SNAPC3: variants seen among roughly 807,000 people sequenced by gnomAD.
SNAPC3 encodes the protein small nuclear RNA activating complex polypeptide 3, also known as snRNA-activating protein complex subunit 3.
In SNAPC3, 56 loss-of-function variants were observed where a neutral mutation model predicts 47.7. The observed-to-expected ratio is 1.18, with a 90% CI of 0.95 to 1.47. SNAPC3 has a LOEUF of 1.47. SNAPC3 is among the 40% of genes most tolerant of loss of function. The pLI is 0.00. For missense variants in SNAPC3, 665 were observed against 511.3 expected, an observed-to-expected ratio of 1.30 and a Z score of -2.90; for synonymous variants, 235 against 189.9, an observed-to-expected ratio of 1.24 and a Z score of -1.95.
chr9:15,442,829 G>A (rs2033596972), intron 3 of SNAPC3, among the ~76,000 whole-genome samples: 1 of 152,210 alleles, frequency 6.6e-6, no homozygotes, highest in South Asian at 2.1e-4. Context: ...CGGCTGGGAG[G>A]TGGAGGTTGT....
At position 15,439,747 on chromosome 9, in the gene SNAPC3, T is replaced by A. The variant is rs56870038; in HGVS notation, c.478-4855T>A. On this transcript the variant is annotated intron_variant, in intron 3 of 8. Transcript: ENST00000380821. ...CAGGGTTTCACCATGTTGGCCAGGC[T>A]AGTCTGGAACTCCTAACCTCAAGTG... Among the ~76,000 whole-genome samples, 663 of 152,314 alleles carry A rather than the reference T, an allele frequency of 4.4e-3. 3 individuals carry two copies. The highest frequency in any genetic ancestry group is 0.015 in the African/African-American group (638 of 41,562).
intron 2 of SNAPC3, among the ~76,000 whole-genome samples, chr9:15,427,595 C>T (rs936923950): frequency 3.3e-5 from 5 of 152,170 alleles, no homozygotes; most frequent in African/African-American, 7.2e-5. Context: ...AGTGATCTGC[C>T]GGCCTTGCCC....
At chr9:15,449,563 AT>A (rs568645696) in intron 5 of SNAPC3, among the ~76,000 whole-genome samples, 212 of 39,236 alleles carry the variant, frequency 5.4e-3, no homozygotes, top group Middle Eastern at 0.036. Flanking sequence ...ATATATATAT[AT>A]TTTTTTTTTT....
intron 2 of SNAPC3, among the ~76,000 whole-genome samples, chr9:15,427,346 GTTTA>G (rs936809425): frequency 2.5e-4 from 38 of 152,200 alleles, no homozygotes; most frequent in African/African-American, 8.9e-4. Context: ...TTATTTATTT[GTTTA>G]TTTATTTATT....
At chr9:15,437,869 G>A (rs571648308) in intron 3 of SNAPC3, among the ~76,000 whole-genome samples, 16 of 152,248 alleles carry the variant, frequency 1.1e-4, no homozygotes, top group African/African-American at 3.9e-4. Flanking sequence ...CTTTTCATAT[G>A]CTTCTGAATT....
In SNAPC3 at chr9:15,423,179, G is replaced by C; in HGVS notation, c.300G>C (p.Leu100=). Residue 100 remains leucine, a synonymous_variant, in exon 1 of 9, where the codon CTG becomes CTC. Coordinates refer to ENST00000380821, the MANE Select transcript of SNAPC3 (RefSeq NM_001039697.2). The part of the protein sequence containing the change: ...LDCSLEAAAE[L]RAVCGLDKLK... ...GCAGCCTGGAGGCGGCGGCTGAGCT[G>C]AGGGCGGTGTGCGGGTGAGTGCGGA... 2 of 1,579,764 alleles carry C rather than the reference G, an allele frequency of 1.3e-6. No individual in the cohort carries two copies. Among genetic ancestry groups the C allele is most frequent in the Non-Finnish European group, 1.7e-6 (2 of 1,171,530 alleles).
chr9:15,437,490 C>G (rs2032933159), intron 3 of SNAPC3, among the ~76,000 whole-genome samples: 1 of 152,130 alleles, frequency 6.6e-6, no homozygotes, highest in Non-Finnish European at 1.5e-5. Flanking sequence ...ACCTTGGCCT[C>G]TCAAATTGCT....
At chr9:15,458,673 A>G (rs992194085) in intron 8 of SNAPC3, among the ~76,000 whole-genome samples, 2 of 152,060 alleles carry the variant, frequency 1.3e-5, no homozygotes, top group African/African-American at 4.8e-5. Context: ...TAAAAAAAAA[A>G]TTTGTTGCTT....
At chr9:15,457,500 TG>T (rs1434665122) in intron 7 of SNAPC3, among the ~76,000 whole-genome samples, 1 of 151,892 alleles carries the variant, frequency 6.6e-6, no homozygotes, top group East Asian at 1.9e-4. Context: ...GAGGCTGAGG[TG>T]GGAGGACTGC....
intron 2 of SNAPC3, among the ~76,000 whole-genome samples, chr9:15,424,577 A>G (rs546296610): frequency 2.6e-4 from 39 of 152,370 alleles, no homozygotes; most frequent in Non-Finnish European, 4.6e-4. Context: ...ATTAAATTCA[A>G]TAGACAAAAT....
intron 3 of SNAPC3, among the ~76,000 whole-genome samples, chr9:15,438,954 A>T (rs1282839356): frequency 1.3e-5 from 2 of 152,176 alleles, no homozygotes; most frequent in African/African-American, 4.8e-5. Flanking sequence ...GTCTCCAACT[A>T]TTACCATAGA....
Position 15,458,043 on chromosome 9 carries a change from T to C in SNAPC3, c.1064T>C (p.Phe355Ser), listed in dbSNP as rs1418423386. Residue 355 changes from phenylalanine (F) to serine (S), a missense_variant, in exon 8 of 9, where the codon TTT (phenylalanine) becomes TCT (serine). Phe to Ser is a radical substitution (Grantham distance 155). Coordinates refer to ENST00000380821, the MANE Select transcript of SNAPC3 (RefSeq NM_001039697.2). The stretch of plus-strand genomic sequence containing the variant: ...CATTGGCTATGGACCAGAAAATGTT[T>C]TGTTTGTAAAATGTATACAGCCAGG... ...KKHWLWTRKCFVCKMYTARWV... is the reference protein window; with the variant it reads ...KKHWLWTRKCSVCKMYTARWV... 2 of 1,585,258 alleles carry C rather than the reference T, an allele frequency of 1.3e-6. No individual in the cohort carries two copies. Among genetic ancestry groups the C allele is most frequent in the East Asian group, 2.3e-5 (1 of 43,752 alleles).
At chr9:15,451,264 C>G (rs1333929816) in intron 5 of SNAPC3, 56 bp from the exon 6 acceptor site, 1 of 685,332 alleles carries the variant, frequency 1.5e-6, no homozygotes, top group Non-Finnish European at 2.5e-6. Context: ...ATACTTAGAG[C>G]AATTTCATCA....
intron 2 of SNAPC3, among the ~76,000 whole-genome samples, chr9:15,427,972 G>T (rs943851598): frequency 2.0e-5 from 3 of 151,960 alleles, no homozygotes; most frequent in African/African-American, 4.8e-5. Context: ...TTAGCTGGGC[G>T]TGGTGGCACC....
At chr9:15,463,026 G>GT (rs2035334498), downstream of SNAPC3, 1 of 151,978 alleles carries the variant, frequency 6.6e-6, no homozygotes, top group South Asian at 2.1e-4. Context: ...CAGCAGTACT[G>GT]TATCAGCAAA....
At chr9:15,464,293 T>C (rs570407006), downstream of SNAPC3, 7 of 194,804 alleles carry the variant, frequency 3.6e-5, no homozygotes, top group Middle Eastern at 1.7e-3. Flanking sequence ...AACCACACAA[T>C]GTCATACAGA....
intron 2 of SNAPC3, among the ~76,000 whole-genome samples, chr9:15,425,931 G>T (rs956149228): frequency 6.6e-6 from 1 of 152,096 alleles, no homozygotes; most frequent in Non-Finnish European, 1.5e-5. Context: ...GTGCGATCCC[G>T]GCTCACGGCA....
intron 2 of SNAPC3, chr9:15,431,884 C>CTTTTTTTTTTTT (rs36102225): frequency 2.0e-5 from 2 of 98,144 alleles, no homozygotes; most frequent in Non-Finnish European, 3.9e-5. Flanking sequence ...TAAAGCCTGT[C>CTTTTTTTTTTTT]TTTTTTTTTT....
chr9:15,443,183 G>A (rs1253006571), intron 3 of SNAPC3, among the ~76,000 whole-genome samples: 6 of 152,122 alleles, frequency 3.9e-5, no homozygotes, highest in African/African-American at 9.7e-5. Context: ...GAGGGAGACC[G>A]TGGGGAGAGG....
Sources: allele counts gnomAD v4.1 joint callset (sites outside exome capture counted in the v4.1 genomes callset), GRCh38; gene constraint gnomAD v4.1.1; transcripts MANE v1.5; gene names NCBI Gene and HGNC (gene_info 2026-07-23, HGNC 2026-07-21).